The following CFTR variants were observed in gnomAD, a reference collection of about 807,000 sequenced individuals.
CFTR encodes the protein cystic fibrosis transmembrane conductance regulator.
CFTR carries 181 observed loss-of-function variants against 171.6 expected under a neutral mutation model. The observed-to-expected ratio is 1.05, with a 90% confidence interval of 0.93 to 1.19. The LOEUF (loss-of-function observed/expected upper bound fraction) is 1.19. CFTR is among the 50% of genes most tolerant of loss of function. The probability of loss-of-function intolerance (pLI) is 0.00; values close to 1 mark genes in which losing one functional copy is unlikely to be tolerated. For synonymous variants in CFTR, 583 were observed against 608.0 expected (o/e 0.96, Z 0.60); for missense variants, 1,968 against 1,734.7 (o/e 1.13, Z -2.39).
chr7:117,621,590 A>G (rs1243135089), intron 21 of CFTR, among the ~76,000 whole-genome samples: 1 of 152,214 alleles, frequency 6.6e-6, no homozygotes, highest in Non-Finnish European at 1.5e-5. Flanking sequence ...AAATCTCTAC[A>G]AGACATGTAA....
intron 23 of CFTR, among the ~76,000 whole-genome samples, chr7:117,651,698 A>G (rs1051378379): frequency 6.6e-6 from 1 of 152,142 alleles, no homozygotes; most frequent in Non-Finnish European, 1.5e-5. Flanking sequence ...ATTTGACAAC[A>G]ACTTTTTCTT....
intron 9 of CFTR, among the ~76,000 whole-genome samples, chr7:117,547,280 G>A (rs575020657): frequency 1.8e-4 from 27 of 152,180 alleles, no homozygotes; most frequent in African/African-American, 5.8e-4. Flanking sequence ...AGTTTTAAGT[G>A]GTGGCAAATG....
intron 1 of CFTR, among the ~76,000 whole-genome samples, chr7:117,499,544 A>G (rs1325200471): frequency 1.4e-5 from 2 of 147,066 alleles, no homozygotes; most frequent in African/African-American, 5.1e-5. Context: ...TGTATCTAGG[A>G]TGCTAGACTT....
chr7:117,616,543 C>T (rs1477641515), intron 21 of CFTR, among the ~76,000 whole-genome samples: 3 of 152,082 alleles, frequency 2.0e-5, no homozygotes, highest in African/African-American at 7.2e-5. Flanking sequence ...ACATAGTAGC[C>T]TCTACACATT....
intron 21 of CFTR, among the ~76,000 whole-genome samples, chr7:117,625,782 A>G (rs1189407753): frequency 6.6e-6 from 1 of 152,192 alleles, no homozygotes; most frequent in Admixed American, 6.6e-5. Flanking sequence ...TGGCAGTTTC[A>G]TCTCAATAGT....
intron 1 of CFTR, among the ~76,000 whole-genome samples, chr7:117,497,032 G>C (rs946116226): frequency 9.9e-5 from 15 of 151,362 alleles, no homozygotes; most frequent in Non-Finnish European, 2.1e-4. Flanking sequence ...TGTTATTGCT[G>C]TTTGTGCTTC....
intron 22 of CFTR, among the ~76,000 whole-genome samples, chr7:117,635,095 G>A (rs1006865207): frequency 6.6e-6 from 1 of 152,072 alleles, no homozygotes; most frequent in Non-Finnish European, 1.5e-5. Flanking sequence ...TCTTGTTACA[G>A]TTTTATCAAC....
At chr7:117,490,513 T>C (rs1798143901) in intron 1 of CFTR, among the ~76,000 whole-genome samples, 1 of 152,028 alleles carries the variant, frequency 6.6e-6, no homozygotes, top group Non-Finnish European at 1.5e-5. Flanking sequence ...GAGGCCAGCC[T>C]TTTTGTTCTA....
At chr7:117,520,180 AT>A (rs530986124) in intron 3 of CFTR, among the ~76,000 whole-genome samples, 28 of 142,660 alleles carry the variant, frequency 2.0e-4, no homozygotes, top group African/African-American at 5.4e-4. Context: ...GTGTGTTTTT[AT>A]TTTGTTGTAT....
At chr7:117,560,441 A>G (rs1288052725) in intron 11 of CFTR, among the ~76,000 whole-genome samples, 2 of 152,132 alleles carry the variant, frequency 1.3e-5, no homozygotes, top group Non-Finnish European at 2.9e-5. Flanking sequence ...TTCAAAAGCA[A>G]TATCTTTGAT....
Position 117,596,435 on chromosome 7 carries a change from G to A in CFTR, c.2619+1377G>A, listed in dbSNP as rs527816596. Among the ~76,000 whole-genome samples the A allele has an allele frequency of 1.1e-3, 161 of 152,346 alleles. 1 individual carries two copies. Among genetic ancestry groups the A allele is most frequent in the African/African-American group, 3.8e-3 (159 of 41,584 alleles). On this transcript the variant is annotated intron_variant, in intron 15 of 26. Coordinates refer to ENST00000003084, the MANE Select transcript of CFTR (RefSeq NM_000492.4). ...CTGCGTGGCCCAAGCCTCCTGACGA[G>A]CACCGCCCCCTGCTCCACGGCACCC...
chr7:117,552,578 G>C (rs1189608281), intron 10 of CFTR, among the ~76,000 whole-genome samples: 1 of 151,876 alleles, frequency 6.6e-6, no homozygotes, highest in Non-Finnish European at 1.5e-5. Flanking sequence ...TATATAAAAA[G>C]TTGAAAATTA....
intron 24 of CFTR, among the ~76,000 whole-genome samples, chr7:117,658,736 C>G (rs1372646239): frequency 6.6e-6 from 1 of 152,150 alleles, no homozygotes; most frequent in Non-Finnish European, 1.5e-5. Context: ...CACATCCTGT[C>G]AATGCTGTCC....
At chr7:117,514,029 C>G (rs1798561997) in intron 3 of CFTR, among the ~76,000 whole-genome samples, 1 of 152,052 alleles carries the variant, frequency 6.6e-6, no homozygotes, top group Non-Finnish European at 1.5e-5. Flanking sequence ...TGAAATATTC[C>G]CCAAGCGATT....
rs79296395 is a variant in CFTR, at chr7:117,594,534, C to T, written c.2491-396C>T. Among the ~76,000 whole-genome samples the T allele has an allele frequency of 4.3e-3, 651 of 152,278 alleles. 8 individuals carry two copies. The highest frequency in any genetic ancestry group is 0.014 in the Middle Eastern group (4 of 294). On this transcript the variant is annotated intron_variant, in intron 14 of 26. Coordinates refer to ENST00000003084, the MANE Select transcript of CFTR (RefSeq NM_000492.4). Reference sequence around the variant, plus strand: ...ATAGCTAGAAGTATACTGAACTGTACTTGTCCATGGACCCCTGAAGAAACA... The same window carrying T: ...ATAGCTAGAAGTATACTGAACTGTATTTGTCCATGGACCCCTGAAGAAACA...
intron 7 of CFTR, among the ~76,000 whole-genome samples, chr7:117,537,920 G>T (rs543163929): frequency 6.6e-6 from 1 of 152,024 alleles, no homozygotes; most frequent in African/African-American, 2.4e-5. Flanking sequence ...ATATAGCAAG[G>T]GTGATGACAA....
intron 18 of CFTR, among the ~76,000 whole-genome samples, chr7:117,608,033 A>C (rs1474088157): frequency 4.6e-5 from 7 of 152,194 alleles, no homozygotes; most frequent in African/African-American, 9.7e-5. Context: ...GAACCTCTTA[A>C]CTTGATTGTG....
intron 1 of CFTR, among the ~76,000 whole-genome samples, chr7:117,489,978 C>T (rs1798131899): frequency 1.3e-5 from 2 of 151,932 alleles, no homozygotes; most frequent in South Asian, 4.1e-4. Flanking sequence ...TCCTGATCTT[C>T]CCTTGTGTCC....
chr7:117,575,545 G>T (rs1301193776), intron 11 of CFTR, among the ~76,000 whole-genome samples: 1 of 152,102 alleles, frequency 6.6e-6, no homozygotes, highest in African/African-American at 2.4e-5. Context: ...AAGATTTCTT[G>T]CACGTGAATG....
Sources: gnomAD v4.1 joint callset for allele counts (sites outside exome capture counted in the v4.1 genomes callset) on GRCh38, gnomAD v4.1.1 for gene constraint, MANE v1.5 for transcripts, NCBI Gene and HGNC (gene_info 2026-07-23, HGNC 2026-07-21) for gene names.